Variants in CADPS observed in about 807,000 individuals in gnomAD.
The protein encoded by CADPS is calcium-dependent secretion activator 1.
Under a neutral mutation model 167.3 loss-of-function variants are expected in CADPS, and 57 were observed. The observed-to-expected ratio is 0.34, with a 90% CI of 0.28 to 0.42. The LOEUF (loss-of-function observed/expected upper bound fraction) is 0.42. Among genes scored for constraint, CADPS ranks in the 20% least tolerant of loss-of-function variants. The pLI is 1.00. For synonymous variants in CADPS, 676 were observed against 635.3 expected, an observed-to-expected ratio of 1.06 and a Z score of -0.96; for missense variants, 1,414 against 1,738.1, an observed-to-expected ratio of 0.81 and a Z score of 3.32.
chr3:62,769,678 G>T (rs1386862674), intron 1 of CADPS, among the ~76,000 whole-genome samples: 1 of 152,036 alleles, frequency 6.6e-6, no homozygotes, highest in African/African-American at 2.4e-5. Context: ...TCAGCATTTT[G>T]TTCACAGTCC....
intron 19 of CADPS, among the ~76,000 whole-genome samples, chr3:62,492,877 T>C (rs2063978310): frequency 1.3e-5 from 2 of 152,238 alleles, no homozygotes; most frequent in African/African-American, 4.8e-5. Flanking sequence ...TGTTCACTTA[T>C]ATCTACATAT....
intron 8 of CADPS, among the ~76,000 whole-genome samples, chr3:62,577,151 C>T (rs1374383249): frequency 2.0e-5 from 3 of 152,132 alleles, no homozygotes; most frequent in Admixed American, 6.5e-5. Flanking sequence ...TGTCCCTCTG[C>T]TCTGGGACTA....
At chr3:62,818,707 C>T (rs2094745328) in intron 1 of CADPS, among the ~76,000 whole-genome samples, 1 of 152,140 alleles carries the variant, frequency 6.6e-6, no homozygotes, top group South Asian at 2.1e-4. Flanking sequence ...AACATATGTG[C>T]ACAGAAAAAC....
At chr3:62,722,130 G>T (rs1382036729) in intron 3 of CADPS, among the ~76,000 whole-genome samples, 3 of 152,230 alleles carry the variant, frequency 2.0e-5, no homozygotes, top group Non-Finnish European at 4.4e-5. Context: ...CAAAATCACA[G>T]AAGCAGCAAG....
chr3:62,549,440 G>A (rs938391105), intron 11 of CADPS, among the ~76,000 whole-genome samples: 2 of 79,544 alleles, frequency 2.5e-5, no homozygotes, highest in Non-Finnish European at 5.2e-5. Context: ...TAGGTACCAT[G>A]TTTTGTGTTT....
rs142432133 is a variant in CADPS, at chr3:62,590,337, C to T, written c.1437+2300G>A. On this transcript the variant is annotated intron_variant, in intron 7 of 29. Transcript: ENST00000383710. Reference sequence around the variant, plus strand: ...GATCTCTGAGACTCGTGATTCTTAACATCTGCCTTACTGGAAAAGGAGAAA... The same window carrying T: ...GATCTCTGAGACTCGTGATTCTTAATATCTGCCTTACTGGAAAAGGAGAAA... Among the ~76,000 whole-genome samples, 17 of 152,272 alleles carry T rather than the reference C, an allele frequency of 1.1e-4. 1 individual carries two copies. The East Asian group carries it at 2.5e-3, about 22-fold the overall frequency.
rs570020000 is a variant in CADPS at position 62,610,090 on chromosome 3, A to G, written c.1326-17342T>C. On this transcript the variant is annotated intron_variant, in intron 6 of 29. Transcript: ENST00000383710. The stretch of plus-strand genomic sequence containing the variant: ...GGTGACAGAGTGAGACCCTTTCTGG[A>G]AAAACAAACAAAAACACACCAGAAA... 3.4e-3 allele frequency among the ~76,000 whole-genome samples: 523 copies of G among 152,064 alleles called. 3 individuals are homozygous for G. Among genetic ancestry groups the G allele is most frequent in the Admixed American group, 8.1e-3 (124 of 15,264 alleles).
At chr3:62,488,494 T>A (rs1194143521) in intron 21 of CADPS, among the ~76,000 whole-genome samples, 1 of 150,542 alleles carries the variant, frequency 6.6e-6, no homozygotes, top group African/African-American at 2.5e-5. Flanking sequence ...ATTTATTTAT[T>A]TATTATTATT....
intron 9 of CADPS, among the ~76,000 whole-genome samples, chr3:62,564,869 G>A (rs1027061241): frequency 2.6e-5 from 4 of 151,850 alleles, no homozygotes; most frequent in African/African-American, 9.7e-5. Flanking sequence ...CCTCCCAAGG[G>A]GCTGGGATTA....
rs2059783541 is a variant in CADPS, at chr3:62,465,009, A to G, written c.3636+358T>C. Among the ~76,000 whole-genome samples the G allele has an allele frequency of 6.6e-6, 1 of 152,226 alleles. No individual in the cohort carries two copies. The highest frequency in any genetic ancestry group is 2.4e-5 in the African/African-American group (1 of 41,456). ...AGTGCAGGTCTTCATTTAAAACTCTAAAATTAATTTTTCTTATTTACAGAT... is the reference window on the plus strand; with the variant it reads ...AGTGCAGGTCTTCATTTAAAACTCTGAAATTAATTTTTCTTATTTACAGAT... On this transcript the variant is annotated intron_variant, in intron 26 of 29. Transcript: ENST00000383710. This position sits in a 1 kb window ranked among gnomAD's most constrained non-coding sequence, Gnocchi z 4.1.
At chr3:62,550,197 C>T in intron 10 of CADPS, 82 bp from the exon 11 acceptor site, 3 of 1,094,722 alleles carry the variant, frequency 2.7e-6, no homozygotes, top group Non-Finnish European at 4.2e-6. Flanking sequence ...AAAGCAGTTT[C>T]TGCTGCTTTT....
intron 6 of CADPS, among the ~76,000 whole-genome samples, chr3:62,634,297 T>G (rs1009019751): frequency 6.6e-6 from 1 of 152,204 alleles, no homozygotes. Context: ...AGATATCGAG[T>G]TGTACTGTTG....
At chr3:62,551,468 C>G (rs62243511) in intron 10 of CADPS, among the ~76,000 whole-genome samples, 9,212 of 152,232 alleles carry the variant, frequency 0.061, 372 homozygotes, top group Middle Eastern at 0.11. Flanking sequence ...ACCTGTCTGC[C>G]TCCATCCTCA....
intron 6 of CADPS, among the ~76,000 whole-genome samples, chr3:62,594,915 G>A (rs1396436510): frequency 6.6e-6 from 1 of 152,166 alleles, no homozygotes; most frequent in African/African-American, 2.4e-5. Context: ...TGCCTGTTCT[G>A]AGTATCACTA....
intron 18 of CADPS, 111 bp from the exon 19 acceptor site, chr3:62,493,776 T>C (rs1412601978): frequency 1.1e-6 from 1 of 885,622 alleles, no homozygotes. Context: ...AAAACCTCAC[T>C]GATTCAGATT....
chr3:62,409,444 A>G (rs955180961), intron 28 of CADPS, among the ~76,000 whole-genome samples: 13 of 152,244 alleles, frequency 8.5e-5, no homozygotes, highest in Admixed American at 2.0e-4. Context: ...GAAGATAGAA[A>G]GTTGCTAAGC....
chr3:62,678,187 T>G (rs1464509546), intron 3 of CADPS, among the ~76,000 whole-genome samples: 1 of 151,794 alleles, frequency 6.6e-6, no homozygotes, highest in Non-Finnish European at 1.5e-5. Flanking sequence ...CACAATCCCC[T>G]CTCCTTGATT....
chr3:62,590,417 T>C (rs534023111), intron 7 of CADPS, among the ~76,000 whole-genome samples: 1 of 152,312 alleles, frequency 6.6e-6, no homozygotes, highest in Non-Finnish European at 1.5e-5. Context: ...TGTCTCTCTT[T>C]CCCTAGGGAC....
At chr3:62,470,889 A>C (rs1418543686) in intron 24 of CADPS, 1 of 152,098 alleles carries the variant, frequency 6.6e-6, no homozygotes, top group Non-Finnish European at 1.5e-5. Flanking sequence ...AGCCTCGGTT[A>C]TTTGTTTTCA....
Sources: gnomAD v4.1 joint callset for allele counts (sites outside exome capture counted in the v4.1 genomes callset) on GRCh38, gnomAD v4.1.1 for gene constraint, Gnocchi (gnomAD v3.1) non-coding constraint, MANE v1.5 for transcripts, NCBI Gene and HGNC (gene_info 2026-07-23, HGNC 2026-07-21) for gene names.